Variants in CBLN2 observed in about 807,000 individuals in gnomAD.
The protein encoded by CBLN2 is cerebellin-2.
A neutral mutation model predicts 15.0 loss-of-function variants in CBLN2; 7 were observed. That is an observed-to-expected ratio of 0.47 (90% CI 0.27 to 0.88). CBLN2 has a LOEUF of 0.88. Among genes scored for constraint, CBLN2 ranks in the 40% least tolerant of loss-of-function variants. The pLI is 0.14. For synonymous variants in CBLN2, 149 were observed against 135.2 expected (o/e 1.10, Z -0.71); for missense variants, 242 against 304.5 (o/e 0.79, Z 1.53).
At chr18:72,595,653 ATC>A (rs920637157) in intron 1 of CBLN2, among the ~76,000 whole-genome samples, 2 of 152,026 alleles carry the variant, frequency 1.3e-5, no homozygotes, top group Non-Finnish European at 2.9e-5. Context: ...ACTGGGGTTT[ATC>A]TCTCTCTTTA....
upstream of CBLN2, chr18:72,544,523 G>A (rs1315153923): frequency 6.6e-6 from 1 of 152,230 alleles, no homozygotes; most frequent in Non-Finnish European, 1.5e-5. Flanking sequence ...GCGGACCGGC[G>A]GACTCCGACA....
chr18:72,572,451 A>G (rs1266484986), intron 1 of CBLN2, among the ~76,000 whole-genome samples: 1 of 152,230 alleles, frequency 6.6e-6, no homozygotes, highest in African/African-American at 2.4e-5. Context: ...GAATTCTTTT[A>G]AGAAAAGTAT....
chr18:72,592,112 G>GA (rs1299117094), intron 1 of CBLN2, among the ~76,000 whole-genome samples: 12 of 151,924 alleles, frequency 7.9e-5, no homozygotes, highest in African/African-American at 2.7e-4. Context: ...TTTATATTCT[G>GA]ACAAGTAGTG....
At chr18:72,542,801 T>A (rs1273115368) in intron 2 of CBLN2, among the ~76,000 whole-genome samples, 1 of 152,116 alleles carries the variant, frequency 6.6e-6, no homozygotes, top group Non-Finnish European at 1.5e-5. Context: ...GAGATGTTTT[T>A]AAAGTCCATT....
chr18:72,548,641 A>G (rs1240127861), upstream of CBLN2, among the ~76,000 whole-genome samples: 1 of 109,688 alleles, frequency 9.1e-6, no homozygotes, highest in Non-Finnish European at 2.1e-5. Flanking sequence ...ATCAGAGTCC[A>G]GGACCAAATA....
At chr18:72,547,487 T>C (rs1416553858), upstream of CBLN2, among the ~76,000 whole-genome samples, 1 of 152,162 alleles carries the variant, frequency 6.6e-6, no homozygotes, top group African/African-American at 2.4e-5. Context: ...AAAAATTCTA[T>C]TATCCAGGAG....
chr18:72,545,906 A>T (rs1162729539), upstream of CBLN2, among the ~76,000 whole-genome samples: 1 of 152,222 alleles, frequency 6.6e-6, no homozygotes, highest in Non-Finnish European at 1.5e-5. Flanking sequence ...GGGGGAAAAA[A>T]GAAAACCACT....
chr18:72,579,161 T>C (rs2069387160), intron 1 of CBLN2, among the ~76,000 whole-genome samples: 1 of 152,238 alleles, frequency 6.6e-6, no homozygotes, highest in African/African-American at 2.4e-5. Context: ...ACAATACTAT[T>C]ACTGCCTTTA....
intron 1 of CBLN2, among the ~76,000 whole-genome samples, chr18:72,611,022 T>G (rs2069618255): frequency 6.6e-6 from 1 of 152,224 alleles, no homozygotes; most frequent in Admixed American, 6.5e-5. Flanking sequence ...GTTAATTTGC[T>G]TAGGAAAATG....
intron 3 of CBLN2, among the ~76,000 whole-genome samples, chr18:72,540,613 T>A (rs1333014735): frequency 1.3e-5 from 2 of 151,978 alleles, no homozygotes; most frequent in Non-Finnish European, 2.9e-5. Context: ...TTGGACATAA[T>A]CAAAATAAAT....
chr18:72,606,614 G>T (rs1222152360), intron 1 of CBLN2, among the ~76,000 whole-genome samples: 3 of 152,182 alleles, frequency 2.0e-5, no homozygotes, highest in Non-Finnish European at 2.9e-5. Context: ...ATATCTTTTA[G>T]TCTTCTTTAG....
chr18:72,624,649 CA>C (rs2069722895), intron 1 of CBLN2, among the ~76,000 whole-genome samples: 1 of 152,010 alleles, frequency 6.6e-6, no homozygotes, highest in Non-Finnish European at 1.5e-5. Context: ...AAAAGAAAAC[CA>C]AAAACCTATC....
chr18:72,551,981 T>C (rs2144882436), intron 1 of CBLN2, among the ~76,000 whole-genome samples: 1 of 152,344 alleles, frequency 6.6e-6, no homozygotes, highest in Middle Eastern at 3.4e-3. Context: ...TTTGTGTATG[T>C]GATTGTGTTA....
At chr18:72,576,756 A>G (rs552618859) in intron 1 of CBLN2, among the ~76,000 whole-genome samples, 2 of 151,850 alleles carry the variant, frequency 1.3e-5, no homozygotes, top group African/African-American at 2.4e-5. Context: ...TTGGAAAATT[A>G]AAAACACATT....
At position 72,603,786 on chromosome 18, in the gene CBLN2, T is replaced by C. The variant is rs888586736; in HGVS notation, c.15+34539A>G. Among the ~76,000 whole-genome samples the C allele has an allele frequency of 3.3e-5, 5 of 152,290 alleles. No homozygotes were observed. In the East Asian group the frequency reaches 7.7e-4, roughly 24 times the overall value. On this transcript the variant is annotated intron_variant, in intron 1 of 2. Coordinates refer to the CBLN2 transcript ENST00000581073. ...AAACCATACAACCTAAACTTAATTA[T>C]AGATTGCCTAAATAATTTCAATGGG...
chr18:72,593,401 G>GT (rs1336233955), intron 1 of CBLN2, among the ~76,000 whole-genome samples: 5 of 152,036 alleles, frequency 3.3e-5, no homozygotes, highest in South Asian at 2.1e-4. Context: ...TTCTAACAGG[G>GT]TTTTTTGGTG....
At chr18:72,614,126 A>C (rs986682513) in intron 1 of CBLN2, among the ~76,000 whole-genome samples, 32 of 152,166 alleles carry the variant, frequency 2.1e-4, no homozygotes, top group African/African-American at 7.2e-4. Flanking sequence ...AGGAACATTC[A>C]CCTGAGTCAG....
At chr18:72,612,214 G>T (rs562156101) in intron 1 of CBLN2, among the ~76,000 whole-genome samples, 3 of 152,094 alleles carry the variant, frequency 2.0e-5, no homozygotes, top group Non-Finnish European at 4.4e-5. Context: ...GATCACTTTG[G>T]CTAGTCAGGC....
At chr18:72,600,778 T>C (rs970923036) in intron 1 of CBLN2, among the ~76,000 whole-genome samples, 23 of 152,052 alleles carry the variant, frequency 1.5e-4, no homozygotes, top group African/African-American at 5.1e-4. Context: ...TTTGCAAGGA[T>C]GGTTTGGTGG....
Sources: gnomAD v4.1 joint callset for allele counts (sites outside exome capture counted in the v4.1 genomes callset) on GRCh38, gnomAD v4.1.1 for gene constraint, MANE v1.5 for transcripts, NCBI Gene and HGNC (gene_info 2026-07-23, HGNC 2026-07-21) for gene names.